TNPO1: variants seen among roughly 807,000 people sequenced by gnomAD.
The protein encoded by TNPO1 is transportin-1.
In TNPO1, 8 loss-of-function variants were observed where a neutral mutation model predicts 119.5. The ratio of observed to expected loss-of-function variants is 0.07; its 90% CI spans 0.04 to 0.12. The LOEUF is 0.12. Ranked by LOEUF, TNPO1 falls within the 10% of genes least tolerant of loss-of-function variation. The pLI, the probability that TNPO1 is intolerant of heterozygous loss-of-function variation, is 1.00. For missense variants in TNPO1, 576 were observed against 1,089.8 expected, an observed-to-expected ratio of 0.53 and a Z score of 6.64; for synonymous variants, 362 against 363.0, an observed-to-expected ratio of 1.00 and a Z score of 0.03.
rs1458925416 is a variant in TNPO1, at chr5:72,911,588, TGTG to T, written c.*2919_*2921del. 6 of 152,670 alleles carry T rather than the reference TGTG, an allele frequency of 3.9e-5. No individual in the cohort carries two copies. The East Asian group carries it at 7.7e-4, about 20-fold the overall frequency. The allele number at this position is 152,670 out of a possible 1,614,324, so 9.5% of individuals were successfully genotyped here. A position where few individuals can be genotyped will look rare whatever the true frequency, so the allele number is the denominator to read the frequency against. ...GATATATATAAAGCAACTTAATTCT[TGTG>T]GTGTAGTCTTAATAGTTTTGAATGT... On this transcript the variant is annotated 3_prime_UTR_variant, in exon 25 of 25. Transcript: ENST00000337273.
intron 13 of TNPO1, among the ~76,000 whole-genome samples, chr5:72,888,680 A>G (rs1249351269): frequency 6.6e-6 from 1 of 152,184 alleles, no homozygotes; most frequent in Non-Finnish European, 1.5e-5. Flanking sequence ...CAGACATCTG[A>G]ACTAGTGATG....
chr5:72,876,601 A>C (rs1000063573), intron 8 of TNPO1, among the ~76,000 whole-genome samples: 1 of 152,206 alleles, frequency 6.6e-6, no homozygotes, highest in Non-Finnish European at 1.5e-5. Flanking sequence ...CATTTTAAGA[A>C]ATATATAATG....
rs1386912792 is a variant in TNPO1 at position 72,840,929 on chromosome 5, T to C, written c.16-7456T>C. ...GCCTATTTTCAAGTGGTGAACTAGA[T>C]GATTTACCCATCAGTCTCAATCGAG... On this transcript the variant is annotated intron_variant, in intron 1 of 24. Coordinates refer to ENST00000337273, the MANE Select transcript of TNPO1 (RefSeq NM_002270.4). Among the ~76,000 whole-genome samples the C allele has an allele frequency of 5.3e-5, 8 of 152,326 alleles. No individual in the cohort carries two copies. In the East Asian group the frequency reaches 1.5e-3, roughly 29 times the overall value.
rs1750473181 is a variant in TNPO1, at chr5:72,910,274, A to G, written c.*1601A>G. ...ATTTCATTTGTTTAGCTTTTCTGTT[A>G]TTTTTCTCTACTTACATGTATTCCT... On this transcript the variant is annotated 3_prime_UTR_variant, in exon 25 of 25. Coordinates refer to ENST00000337273, the MANE Select transcript of TNPO1 (RefSeq NM_002270.4). The G allele has an allele frequency of 6.6e-6, 1 of 152,464 alleles. No individual in the cohort carries two copies. The highest frequency in any genetic ancestry group is 2.4e-5 in the African/African-American group (1 of 41,422). 9.4% of individuals were successfully genotyped at this position (152,464 alleles called of 1,614,324 possible).
At position 72,872,697 on chromosome 5, in the gene TNPO1, T is replaced by C; in HGVS notation, c.655T>C (p.Leu219=). Residue 219 remains leucine (L), a synonymous_variant, in exon 7 of 25, where the codon TTG becomes CTG. Coordinates refer to ENST00000337273, the MANE Select transcript of TNPO1 (RefSeq NM_002270.4). ...CATCAGTAGGACTCAAGCTCTAATG[T>C]TGCACATTGATTCTTTTATTGAGGT... ...FIISRTQALM[L]HIDSFIENLF... The C allele has an allele frequency of 6.2e-7, 1 of 1,609,494 alleles. No individual in the cohort carries two copies. Among genetic ancestry groups the C allele is most frequent in the Non-Finnish European group, 8.5e-7 (1 of 1,177,790 alleles).
intron 4 of TNPO1, among the ~76,000 whole-genome samples, chr5:72,859,779 T>C (rs1157794598): frequency 2.0e-5 from 3 of 152,218 alleles, no homozygotes. Flanking sequence ...TGGGTCAAAG[T>C]GTGTTTAAAC....
chr5:72,908,819 TG>T lies in TNPO1; in HGVS notation c.*149del, dbSNP rs1330556080. On this transcript the variant is annotated 3_prime_UTR_variant, in exon 25 of 25. Coordinates refer to ENST00000337273, the MANE Select transcript of TNPO1 (RefSeq NM_002270.4). ...GAATACAGTACAATCCCAACCCTAC[TG>T]GGAGGGGCGGGAGGGAGGTGTTGCC... The T allele has an allele frequency of 2.3e-6, 1 of 435,900 alleles. No individual in the cohort carries two copies. The highest frequency in any genetic ancestry group is 4.6e-6 in the Non-Finnish European group (1 of 216,948). The allele number at this position is 435,900 out of a possible 1,614,324, so 27.0% of individuals were successfully genotyped here. A position where few individuals can be genotyped will look rare whatever the true frequency, so the allele number is the denominator to read the frequency against.
chr5:72,870,192 C>G (rs984205575), intron 6 of TNPO1, among the ~76,000 whole-genome samples: 5 of 111,598 alleles, frequency 4.5e-5, no homozygotes, highest in Non-Finnish European at 7.0e-5. Flanking sequence ...CGGAGTTTCA[C>G]TCTTGTCTCC....
At chr5:72,847,110 G>A (rs1177924144) in intron 1 of TNPO1, among the ~76,000 whole-genome samples, 1 of 151,898 alleles carries the variant, frequency 6.6e-6, no homozygotes, top group Non-Finnish European at 1.5e-5. Context: ...AACTTGGTGA[G>A]CAAAGTCAGA....
At chr5:72,851,828 G>A (rs1745599347) in intron 3 of TNPO1, among the ~76,000 whole-genome samples, 1 of 152,118 alleles carries the variant, frequency 6.6e-6, no homozygotes, top group South Asian at 2.1e-4. Context: ...TGTATAATAA[G>A]TTACTTAATT....
intron 18 of TNPO1, among the ~76,000 whole-genome samples, chr5:72,895,889 A>C (rs1023993108): frequency 1.3e-5 from 2 of 152,122 alleles, no homozygotes; most frequent in Non-Finnish European, 2.9e-5. Context: ...GTGTGACTTC[A>C]TGATGTTCAA....
intron 1 of TNPO1, among the ~76,000 whole-genome samples, chr5:72,826,356 G>A (rs1298272135): frequency 6.6e-6 from 1 of 152,016 alleles, no homozygotes; most frequent in Non-Finnish European, 1.5e-5. Context: ...ATTTTTAAAC[G>A]GTTATGAAAC....
chr5:72,837,792 C>G (rs527563899), intron 1 of TNPO1, among the ~76,000 whole-genome samples: 1 of 152,122 alleles, frequency 6.6e-6, no homozygotes, highest in African/African-American at 2.4e-5. Flanking sequence ...TTCTCATCAA[C>G]GCCATTTCAC....
chr5:72,851,962 T>G (rs1032417710), intron 3 of TNPO1, among the ~76,000 whole-genome samples: 2 of 152,184 alleles, frequency 1.3e-5, no homozygotes, highest in Non-Finnish European at 2.9e-5. Context: ...AATATGTGTG[T>G]TTTTTGTAGA....
rs201009762 is a variant in TNPO1 at position 72,848,541 on chromosome 5, C to T, written c.129+43C>T. ...TGGCCGCCACCCGCGCAGCTCGCCC[C>T]GCGCTGCGGCCCAGCCCCCGGCGGC... On this transcript the variant is annotated intron_variant, in intron 2 of 24. Coordinates refer to ENST00000337273, the MANE Select transcript of TNPO1 (RefSeq NM_002270.4). 14 of 1,368,352 alleles carry T rather than the reference C, an allele frequency of 1.0e-5. No homozygotes were observed. The South Asian group carries it at 2.0e-4, about 20-fold the overall frequency. The allele number at this position is 1,368,352 out of a possible 1,614,324, so 84.8% of individuals were successfully genotyped here.
intron 12 of TNPO1, 135 bp downstream of exon 12, chr5:72,887,357 A>T: frequency 2.0e-6 from 2 of 984,524 alleles, no homozygotes; most frequent in Non-Finnish European, 2.9e-6. Context: ...CCGTCTTCTA[A>T]CCCCAGCTAG....
intron 4 of TNPO1, among the ~76,000 whole-genome samples, chr5:72,858,290 A>T (rs746076176): frequency 2.6e-5 from 4 of 152,214 alleles, no homozygotes; most frequent in Non-Finnish European, 5.9e-5. Flanking sequence ...TAATGGATAC[A>T]TTTAGTTCAT....
At chr5:72,882,650 A>G (rs1748331217) in intron 10 of TNPO1, 123 bp downstream of exon 10, 1 of 638,970 alleles carries the variant, frequency 1.6e-6, no homozygotes, top group African/African-American at 1.8e-5. Context: ...CCTATTATCC[A>G]TAATAGGATA....
intron 20 of TNPO1, among the ~76,000 whole-genome samples, chr5:72,899,171 T>TTATTA (rs1485380346): frequency 6.6e-6 from 1 of 152,322 alleles, no homozygotes; most frequent in East Asian, 1.9e-4. Flanking sequence ...GTGCTATACC[T>TTATTA]TTAATAGCAG....
Sources: gnomAD v4.1 joint callset for allele counts (sites outside exome capture counted in the v4.1 genomes callset) on GRCh38, gnomAD v4.1.1 for gene constraint, MANE v1.5 for transcripts, NCBI Gene and HGNC (gene_info 2026-07-23, HGNC 2026-07-21) for gene names.